Variants in NBPF8 observed in about 807,000 individuals in gnomAD.
NBPF8 encodes NBPF family member NBPF8.
intron 3 of NBPF8, among the ~76,000 whole-genome samples, chr1:120,428,928 G>T (rs1269732976): frequency 6.6e-6 from 1 of 150,838 alleles, no homozygotes; most frequent in African/African-American, 2.5e-5. Context: ...TGTCTTTTCC[G>T]AATATGAACA....
intron 3 of NBPF8, among the ~76,000 whole-genome samples, chr1:120,431,279 G>GTA (rs1347655199): frequency 2.0e-4 from 23 of 115,884 alleles, no homozygotes; most frequent in African/African-American, 6.8e-4. Flanking sequence ...GTGTGTGTGT[G>GTA]TGTATATTCA....
At chr1:120,468,415 G>A (rs1661808738), downstream of NBPF8, among the ~76,000 whole-genome samples, 1 of 143,976 alleles carries the variant, frequency 6.9e-6, no homozygotes, top group African/African-American at 2.6e-5. Context: ...CTTTTCTCAC[G>A]GTCTCGATAC....
chr1:120,451,996 T>G, intron 12 of NBPF8, 121 bp from the exon 11 acceptor site: 1 of 1,094,280 alleles, frequency 9.1e-7, no homozygotes. Flanking sequence ...CCTTTCAACA[T>G]GTGCTGACCT....
chr1:120,449,378 C>T (rs781931377), exon 11 of NBPF8: 2 of 1,459,096 alleles, frequency 1.4e-6, no homozygotes, highest in Non-Finnish European at 1.9e-6. Context: ...GGCCGGCTTC[C>T]TGGCCAACCG....
At chr1:120,434,230 AT>A (rs1661000232), upstream of NBPF8, among the ~76,000 whole-genome samples, 3 of 139,884 alleles carry the variant, frequency 2.1e-5, no homozygotes, top group African/African-American at 9.2e-5. Flanking sequence ...AGAAAAAAAT[AT>A]ATATATATAA....
exon 1 of NBPF8, chr1:120,436,363 G>T: frequency 6.5e-7 from 1 of 1,547,932 alleles, no homozygotes; most frequent in Admixed American, 1.9e-5. Context: ...AGTGCTGTGG[G>T]AGTGATCACA....
chr1:120,421,250 G>C (rs1337798952), intron 1 of NBPF8, among the ~76,000 whole-genome samples: 1 of 152,196 alleles, frequency 6.6e-6, no homozygotes, highest in African/African-American at 2.4e-5. Context: ...ACAGTAGTGC[G>C]TCTGTCTCCA....
intron 11 of NBPF8, among the ~76,000 whole-genome samples, chr1:120,450,545 A>C (rs1195004432): frequency 6.6e-6 from 1 of 152,166 alleles, no homozygotes; most frequent in Non-Finnish European, 1.5e-5. Context: ...TAGAACATTT[A>C]TTGGCACACA....
exon 1 of NBPF8, chr1:120,436,612 G>A (rs1661090590): frequency 6.2e-7 from 1 of 1,604,584 alleles, no homozygotes; most frequent in Non-Finnish European, 8.5e-7. Flanking sequence ...AGTTGGCAGA[G>A]AACAAACAGC....
At chr1:120,425,532 C>T (rs1308827724) in intron 1 of NBPF8, among the ~76,000 whole-genome samples, 3 of 152,102 alleles carry the variant, frequency 2.0e-5, no homozygotes, top group South Asian at 2.1e-4. Context: ...TGGAAATGCC[C>T]GATAATGATC....
At chr1:120,434,003 G>A (rs1553247406), upstream of NBPF8, 67,749 of 165,654 alleles carry the variant, frequency 0.41, 14,562 homozygotes, top group Middle Eastern at 0.49. Flanking sequence ...GGTCCTTGTT[G>A]CCCACAATGG....
At chr1:120,450,241 A>AATG (rs1404684207) in intron 11 of NBPF8, among the ~76,000 whole-genome samples, 55 of 152,104 alleles carry the variant, frequency 3.6e-4, no homozygotes, top group Non-Finnish European at 4.4e-4. Flanking sequence ...TAATAATAAT[A>AATG]ATGATAAATA....
chr1:120,436,711 G>A lies in NBPF8; in HGVS notation n.345+14G>A, dbSNP rs1291296813. The A allele has an allele frequency of 6.6e-6, 8 of 1,206,436 alleles. No homozygotes were observed. Among genetic ancestry groups the A allele is most frequent in the Non-Finnish European group, 9.7e-6 (8 of 825,814 alleles). The allele number at this position is 1,206,436 out of a possible 1,614,324, so 74.7% of individuals were successfully genotyped here. On this transcript the variant is annotated intron_variant and non_coding_transcript_variant, in intron 1 of 24. Transcript: ENST00000583271. ...AGAAGAAATACAGTAAGATCTATAG[G>A]CTCACCGTCATGAAAGTGATGAATG...
intron 20 of NBPF8, among the ~76,000 whole-genome samples, chr1:120,462,438 C>T (rs1288151513): frequency 2.0e-5 from 3 of 146,766 alleles, no homozygotes; most frequent in African/African-American, 7.6e-5. Flanking sequence ...TGCATGGAGT[C>T]TTGAGCAAGT....
intron 1 of NBPF8, among the ~76,000 whole-genome samples, chr1:120,421,318 ATGTTCTCATCTTCATGTAAGTT>A (rs1660568871): frequency 6.6e-6 from 1 of 152,012 alleles, no homozygotes. Context: ...GTTCCCCTGG[ATGTTCTCATCTTCATGTAAGTT>A]TGTTCATTTC....
intron 1 of NBPF8, among the ~76,000 whole-genome samples, chr1:120,421,143 A>T (rs1322786708): frequency 6.6e-6 from 1 of 151,980 alleles, no homozygotes; most frequent in African/African-American, 2.4e-5. Context: ...TTATCCAAAG[A>T]CAAGACTCAG....
upstream of NBPF8, chr1:120,432,444 G>A (rs1200535530): frequency 7.3e-6 from 1 of 137,404 alleles, no homozygotes; most frequent in Non-Finnish European, 1.6e-5. Context: ...TGTTAGGGAG[G>A]CCTGTGTTAG....
At chr1:120,452,904 A>G (rs1373991307) in intron 13 of NBPF8, among the ~76,000 whole-genome samples, 2 of 152,174 alleles carry the variant, frequency 1.3e-5, no homozygotes, top group Non-Finnish European at 2.9e-5. Context: ...AGCGCTCCCC[A>G]TGGATAGAAT....
upstream of NBPF8, chr1:120,433,041 G>A (rs1310884686): frequency 1.3e-5 from 2 of 152,092 alleles, no homozygotes; most frequent in African/African-American, 4.8e-5. Flanking sequence ...CAGGTACAAG[G>A]CCCCTAAAAG....
Sources: gnomAD v4.1 joint callset for allele counts (sites outside exome capture counted in the v4.1 genomes callset) on GRCh38, gnomAD v4.1.1 for gene constraint, MANE v1.5 for transcripts, NCBI Gene and HGNC (gene_info 2026-07-23, HGNC 2026-07-21) for gene names.